DNAH3: variants seen among roughly 807,000 people sequenced by gnomAD.
DNAH3 encodes the protein dynein axonemal heavy chain 3, also known as axonemal beta dynein heavy chain 3.
DNAH3 carries 332 observed loss-of-function variants against 432.5 expected under a neutral mutation model. The ratio of observed to expected loss-of-function variants is 0.77; its 90% CI spans 0.70 to 0.84. DNAH3 has a LOEUF of 0.84. Among genes scored for constraint, DNAH3 ranks in the 40% least tolerant of loss-of-function variants. The pLI, the probability that DNAH3 is intolerant of heterozygous loss-of-function variation, is 0.00. For missense variants in DNAH3, 4,861 were observed against 5,114.0 expected (o/e 0.95, Z 1.51); for synonymous variants, 1,956 against 1,900.2 (o/e 1.03, Z -0.76).
chr16:21,120,408 CTT>C lies in DNAH3; in HGVS notation c.1699+330_1699+331del, dbSNP rs148010429. On this transcript the variant is annotated intron_variant, in intron 11 of 61. Transcript: ENST00000261383. ...AGCCACCATGATTGACCTTAACTAA[CTT>C]TTAAAATTCTTTTTAAACCATATAT... Among the ~76,000 whole-genome samples the C allele has an allele frequency of 1.3e-3, 191 of 152,304 alleles. 2 individuals carry two copies. The East Asian group carries it at 0.03, about 24-fold the overall frequency.
At chr16:20,944,694 GA>G in intron 57 of DNAH3, 31 bp from the exon 58 acceptor site, 2 of 1,611,800 alleles carry the variant, frequency 1.2e-6, no homozygotes, top group Non-Finnish European at 1.7e-6. Context: ...TGAAATCAAC[GA>G]GGGACCCCAG....
At chr16:21,063,217 A>T (rs2090425106) in intron 24 of DNAH3, among the ~76,000 whole-genome samples, 1 of 152,200 alleles carries the variant, frequency 6.6e-6, no homozygotes, top group South Asian at 2.1e-4. Context: ...CCAGAGCCAC[A>T]GTCCCATTGT....
intron 50 of DNAH3, 26 bp downstream of exon 50, chr16:20,979,304 C>G (rs2085744203): frequency 3.7e-6 from 6 of 1,611,682 alleles, no homozygotes; most frequent in Non-Finnish European, 5.1e-6. Context: ...GCCTCTTTGT[C>G]TCTGTTCTGT....
chr16:20,987,458 CAG>C lies in DNAH3; in HGVS notation c.6883-12_6883-11del. The C allele has an allele frequency of 6.2e-7, 1 of 1,613,822 alleles. No homozygotes were observed. The highest frequency in any genetic ancestry group is 1.3e-5 in the African/African-American group (1 of 74,988). Reference sequence around the variant, plus strand: ...TACATTTTTCTACATCCTAAAAATCCAGAGTTAATTATTCAAACGAGTGGAAG... The same window carrying C: ...TACATTTTTCTACATCCTAAAAATCCAGTTAATTATTCAAACGAGTGGAAG... On this transcript the variant is annotated splice_polypyrimidine_tract_variant and intron_variant, in intron 46 of 61. Transcript: ENST00000261383.
chr16:20,944,268 C>T (rs1417450808), intron 58 of DNAH3, among the ~76,000 whole-genome samples: 1 of 152,006 alleles, frequency 6.6e-6, no homozygotes, highest in East Asian at 1.9e-4. Context: ...TAGCAGAAAA[C>T]ATGAAGGTTA....
intron 31 of DNAH3, among the ~76,000 whole-genome samples, chr16:21,046,258 T>C (rs1216073501): frequency 6.9e-6 from 1 of 144,474 alleles, no homozygotes; most frequent in Non-Finnish European, 1.5e-5. Context: ...TTGATCTGTC[T>C]AATGTTGACA....
chr16:21,060,104 C>A (rs1363497588), intron 26 of DNAH3, among the ~76,000 whole-genome samples, 160 bp downstream of exon 26: 1 of 152,172 alleles, frequency 6.6e-6, no homozygotes, highest in East Asian at 1.9e-4. Flanking sequence ...GGAATAGGTT[C>A]ATTGCCCCAG....
intron 17 of DNAH3, 80 bp from the exon 18 acceptor site, chr16:21,097,579 T>C (rs1413903517): frequency 6.4e-7 from 1 of 1,558,432 alleles, no homozygotes; most frequent in East Asian, 2.2e-5. Context: ...AATTCCTCAG[T>C]GCCTTGAAAA....
At chr16:21,049,773 T>C in intron 30 of DNAH3, 91 bp from the exon 31 acceptor site, 1 of 1,383,592 alleles carries the variant, frequency 7.2e-7, no homozygotes, top group Non-Finnish European at 1.0e-6. Context: ...GGCTCCTCTC[T>C]CCTTGCTCTG....
At chr16:20,935,866 G>A (rs953932032) in intron 60 of DNAH3, among the ~76,000 whole-genome samples, 7 of 151,500 alleles carry the variant, frequency 4.6e-5, no homozygotes, top group Admixed American at 2.0e-4. Context: ...AAAAGCCCAG[G>A]TGCAAGCTGA....
At chr16:21,054,305 T>G in intron 28 of DNAH3, 115 bp downstream of exon 28, 5 of 747,540 alleles carry the variant, frequency 6.7e-6, no homozygotes, top group Non-Finnish European at 1.1e-5. Flanking sequence ...TGGAGAAAGC[T>G]CTCCCTAATG....
chr16:21,004,313 C>A (rs1233906527), intron 41 of DNAH3, among the ~76,000 whole-genome samples: 1 of 152,126 alleles, frequency 6.6e-6, no homozygotes, highest in Admixed American at 6.6e-5. Flanking sequence ...CATTTCACTA[C>A]CTCCAACCAG....
At position 21,095,373 on chromosome 16, in the gene DNAH3, G is replaced by T. The variant is rs562657132; in HGVS notation, c.2665+1982C>A. 1.8e-3 allele frequency among the ~76,000 whole-genome samples: 280 copies of T among 152,190 alleles called. 4 individuals are homozygous for T. Among genetic ancestry groups the T allele is most frequent in the Non-Finnish European group, 2.4e-3 (163 of 68,032 alleles). ...GATACTACTCGCAATAAAAGGAAAT[G>T]ACCTATTGCTACATCCAACAACTCG... On this transcript the variant is annotated intron_variant, in intron 18 of 61. Coordinates refer to ENST00000261383, the Ensembl canonical transcript of DNAH3.
At chr16:20,961,078 C>T (rs1323739101) in intron 53 of DNAH3, among the ~76,000 whole-genome samples, 1 of 152,026 alleles carries the variant, frequency 6.6e-6, no homozygotes, top group African/African-American at 2.4e-5. Flanking sequence ...TAAAAAAAAA[C>T]CTACACGAGG....
chr16:21,060,386 C>A lies in DNAH3; in HGVS notation c.3721-30G>T, dbSNP rs373015535. Reference sequence around the variant, plus strand: ...GGAGCAAGACAGAGAGAGGGTGCAGCAGTCAACCAAAGCCCAGAGGGAGGG... The same window carrying A: ...GGAGCAAGACAGAGAGAGGGTGCAGAAGTCAACCAAAGCCCAGAGGGAGGG... On this transcript the variant is annotated intron_variant, in intron 25 of 61. Coordinates refer to ENST00000261383, the Ensembl canonical transcript of DNAH3. 4 of 1,579,598 alleles carry A rather than the reference C, an allele frequency of 2.5e-6. No individual in the cohort carries two copies. In the South Asian group the frequency reaches 4.4e-5, roughly 17 times the overall value.
chr16:21,082,815 G>A (rs1191244337), intron 19 of DNAH3, among the ~76,000 whole-genome samples: 1 of 117,716 alleles, frequency 8.5e-6, no homozygotes, highest in Non-Finnish European at 1.7e-5. Context: ...GCAACAGAGT[G>A]AGACTCCATC....
At chr16:20,974,097 C>T (rs887265957) in intron 51 of DNAH3, among the ~76,000 whole-genome samples, 1 of 152,146 alleles carries the variant, frequency 6.6e-6, no homozygotes, top group African/African-American at 2.4e-5. Context: ...CCTGGACCCA[C>T]TGTAGCCTCG....
intron 44 of DNAH3, among the ~76,000 whole-genome samples, chr16:20,996,522 C>A (rs1476658035): frequency 6.6e-6 from 1 of 152,028 alleles, no homozygotes; most frequent in African/African-American, 2.4e-5. Flanking sequence ...TGCAGTGGTG[C>A]CATCTCGGCT....
In DNAH3 at chr16:20,954,985, A is replaced by G. The variant is rs759148331; in HGVS notation, c.10899T>C (p.Asn3633=). 4 of 1,614,172 alleles carry G rather than the reference A, an allele frequency of 2.5e-6. No homozygotes were observed. In the South Asian group the frequency reaches 4.4e-5, roughly 18 times the overall value. Residue 3633 remains asparagine (N), a synonymous_variant, in exon 55 of 62, where the codon AAT becomes AAC. Coordinates refer to ENST00000261383, the Ensembl canonical transcript of DNAH3. Reference sequence around the variant, plus strand: ...TGGCCCGGAGCCCTTTGGGGGGCTCATTGGTCATTTTGATTCCATTCTGGA... The same window carrying G: ...TGGCCCGGAGCCCTTTGGGGGGCTCGTTGGTCATTTTGATTCCATTCTGGA...
Sources: allele counts gnomAD v4.1 joint callset (sites outside exome capture counted in the v4.1 genomes callset), GRCh38; gene constraint gnomAD v4.1.1; transcripts MANE v1.5; gene names NCBI Gene and HGNC (gene_info 2026-07-23, HGNC 2026-07-21).